Variants in FAM167A observed in about 807,000 individuals in gnomAD.
FAM167A encodes family with sequence similarity 167 member A.
FAM167A carries 23 observed loss-of-function variants against 14.9 expected under a neutral mutation model. That is an observed-to-expected ratio of 1.55 (90% CI 1.11 to 2.19). The LOEUF is 2.19. Ranked by LOEUF, FAM167A falls within the 30% of genes most tolerant of loss-of-function variation. FAM167A has a pLI of 0.00. For synonymous variants in FAM167A, 174 were observed against 117.7 expected, an observed-to-expected ratio of 1.48 and a Z score of -3.10; for missense variants, 401 against 281.5, an observed-to-expected ratio of 1.42 and a Z score of -3.04.
chr8:11,438,795 A>G (rs1806232984), intron 2 of FAM167A: 1 of 312,072 alleles, frequency 3.2e-6, no homozygotes, highest in Admixed American at 4.4e-5. Flanking sequence ...CTATGCAGAG[A>G]AGACTTAGCC....
intron 2 of FAM167A, among the ~76,000 whole-genome samples, chr8:11,433,606 T>C (rs1805771136): frequency 6.6e-6 from 1 of 151,906 alleles, no homozygotes; most frequent in Non-Finnish European, 1.5e-5. Context: ...GGCGAAAGAG[T>C]GCGTGTCCTG....
chr8:11,447,116 G>A (rs1806816723), intron 1 of FAM167A, among the ~76,000 whole-genome samples: 1 of 152,212 alleles, frequency 6.6e-6, no homozygotes. Flanking sequence ...GCTCCTCTCA[G>A]GGTAGGAAAC....
At chr8:11,464,117 A>G (rs1807655230) in intron 1 of FAM167A, among the ~76,000 whole-genome samples, 1 of 152,142 alleles carries the variant, frequency 6.6e-6, no homozygotes, top group Non-Finnish European at 1.5e-5. Context: ...GGCAGAGATG[A>G]GCAGGCAGGC....
intron 2 of FAM167A, among the ~76,000 whole-genome samples, chr8:11,437,634 C>T (rs553338748): frequency 6.7e-6 from 1 of 149,274 alleles, no homozygotes; most frequent in African/African-American, 2.6e-5. Context: ...AAAACCCCAA[C>T]ACCTCCCCAG....
At chr8:11,425,338 T>C (rs1271739793) in intron 2 of FAM167A, among the ~76,000 whole-genome samples, 1 of 152,162 alleles carries the variant, frequency 6.6e-6, no homozygotes, top group Admixed American at 6.5e-5. Context: ...GAATTAGCTG[T>C]GTCGGCTCAC....
At chr8:11,443,124 C>T (rs955526685) in intron 2 of FAM167A, among the ~76,000 whole-genome samples, 2 of 152,224 alleles carry the variant, frequency 1.3e-5, no homozygotes, top group Admixed American at 6.5e-5. Context: ...ACCTGGGCCT[C>T]AGGGACGGGG....
chr8:11,429,748 G>A (rs1805445505), intron 2 of FAM167A, among the ~76,000 whole-genome samples: 1 of 152,170 alleles, frequency 6.6e-6, no homozygotes, highest in African/African-American at 2.4e-5. Context: ...AAAATCCACA[G>A]CCCTGGGTTA....
At chr8:11,435,247 G>C (rs867822564) in intron 2 of FAM167A, 1 of 397,828 alleles carries the variant, frequency 2.5e-6, no homozygotes, top group African/African-American at 2.0e-5. Context: ...GACCAGCTCA[G>C]CCTTTGTCCC....
At chr8:11,468,592 G>C (rs1807858791), upstream of FAM167A, among the ~76,000 whole-genome samples, 1 of 147,448 alleles carries the variant, frequency 6.8e-6, no homozygotes, top group African/African-American at 2.4e-5. Context: ...GGTGCTGGCT[G>C]TTTCTGACCA....
chr8:11,425,195 T>G (rs1285911595), intron 2 of FAM167A, among the ~76,000 whole-genome samples: 1 of 152,194 alleles, frequency 6.6e-6, no homozygotes, highest in African/African-American at 2.4e-5. Context: ...AGGTACTGGG[T>G]GTTTTATTAT....
intron 1 of FAM167A, among the ~76,000 whole-genome samples, chr8:11,475,620 G>C (rs561984707): frequency 6.6e-6 from 1 of 152,072 alleles, no homozygotes; most frequent in Non-Finnish European, 1.5e-5. Context: ...GAGCCATTAC[G>C]TTTTAAAAAC....
intron 1 of FAM167A, among the ~76,000 whole-genome samples, chr8:11,465,388 C>G (rs1003514471): frequency 9.9e-5 from 15 of 152,186 alleles, no homozygotes; most frequent in African/African-American, 3.4e-4. Flanking sequence ...CCAGGTCACT[C>G]AATTTCTTAG....
chr8:11,446,119 G>A (rs561504345), intron 1 of FAM167A, among the ~76,000 whole-genome samples: 1 of 151,632 alleles, frequency 6.6e-6, no homozygotes, highest in Non-Finnish European at 1.5e-5. Context: ...GGAGGGAAAA[G>A]AATTAAGATG....
At chr8:11,456,647 A>G (rs986231003) in intron 1 of FAM167A, among the ~76,000 whole-genome samples, 2 of 150,976 alleles carry the variant, frequency 1.3e-5, no homozygotes, top group East Asian at 2.0e-4. Context: ...TGGTTGCTCT[A>G]TTGGGTGTGT....
At chr8:11,459,138 G>A (rs1339369972) in intron 1 of FAM167A, among the ~76,000 whole-genome samples, 3 of 152,272 alleles carry the variant, frequency 2.0e-5, no homozygotes, top group South Asian at 4.1e-4. Flanking sequence ...GAAGGAGGAG[G>A]AAAAGAGGAG....
In FAM167A at chr8:11,444,529, T is replaced by C; in HGVS notation, c.-118A>G. 1.4e-6 allele frequency: 2 copies of C among 1,471,840 alleles called. No homozygotes were observed. Among genetic ancestry groups the C allele is most frequent in the Admixed American group, 2.5e-5 (1 of 40,162 alleles). 91.2% of individuals were successfully genotyped at this position (1,471,840 alleles called of 1,614,324 possible). A position where few individuals can be genotyped will look rare whatever the true frequency, so the allele number is the denominator to read the frequency against. Reference sequence around the variant, plus strand: ...GGCCTCATCCAGGTGCCCGAGGGCATTTCCGGGACAGGAGCCGGCCTCAGA... The same window carrying C: ...GGCCTCATCCAGGTGCCCGAGGGCACTTCCGGGACAGGAGCCGGCCTCAGA... On this transcript the variant is annotated 5_prime_UTR_variant, in exon 2 of 3. An upstream start codon of the reference 5' UTR is lost. Coordinates refer to ENST00000284486, the MANE Select transcript of FAM167A (RefSeq NM_053279.3).
chr8:11,430,763 G>T (rs1388943060), intron 2 of FAM167A, among the ~76,000 whole-genome samples: 2 of 152,156 alleles, frequency 1.3e-5, no homozygotes, highest in African/African-American at 4.8e-5. Context: ...GTGTGGCAAG[G>T]GGGCTGGAGG....
At chr8:11,459,253 G>C (rs1807446531) in intron 1 of FAM167A, among the ~76,000 whole-genome samples, 1 of 152,080 alleles carries the variant, frequency 6.6e-6, no homozygotes. Context: ...CTCTACTGCA[G>C]GCAAGGAAAC....
intron 1 of FAM167A, among the ~76,000 whole-genome samples, 198 bp downstream of exon 1, chr8:11,466,428 C>T (rs1807770648): frequency 1.4e-5 from 2 of 146,828 alleles, no homozygotes; most frequent in Non-Finnish European, 2.9e-5. Context: ...GGCAGCGAAC[C>T]CGCGGGAGCG....
Sources: gnomAD v4.1 joint callset for allele counts (sites outside exome capture counted in the v4.1 genomes callset) on GRCh38, gnomAD v4.1.1 for gene constraint, MANE v1.5 for transcripts, NCBI Gene and HGNC (gene_info 2026-07-23, HGNC 2026-07-21) for gene names.